The following ZBTB7C variants were observed in gnomAD, a reference collection of about 807,000 sequenced individuals.
ZBTB7C encodes the protein zinc finger and BTB domain-containing protein 7C.
In ZBTB7C, 8 loss-of-function variants were observed where a neutral mutation model predicts 25.7. That is an observed-to-expected ratio of 0.31 (90% CI 0.18 to 0.56). The LOEUF (loss-of-function observed/expected upper bound fraction) is 0.56, where lower values mean the gene tolerates loss of function less well. ZBTB7C is among the 20% of genes least tolerant of loss of function. ZBTB7C has a pLI of 0.91. For missense variants in ZBTB7C, 824 were observed against 855.2 expected (o/e 0.96, Z 0.46); for synonymous variants, 394 against 369.0 (o/e 1.07, Z -0.78).
At chr18:48,215,424 A>G (rs989858361) in intron 2 of ZBTB7C, among the ~76,000 whole-genome samples, 8 of 152,218 alleles carry the variant, frequency 5.3e-5, no homozygotes, top group African/African-American at 1.9e-4. Context: ...TGTTTTAGCG[A>G]GTCATAAGAC....
At chr18:48,275,157 T>G (rs989447064) in intron 2 of ZBTB7C, among the ~76,000 whole-genome samples, 1 of 152,220 alleles carries the variant, frequency 6.6e-6, no homozygotes, top group Non-Finnish European at 1.5e-5. Flanking sequence ...GATGAATTAC[T>G]TGATACCAAA....
At chr18:48,353,616 T>G (rs1433335951) in intron 1 of ZBTB7C, among the ~76,000 whole-genome samples, 1 of 152,188 alleles carries the variant, frequency 6.6e-6, no homozygotes, top group African/African-American at 2.4e-5. Context: ...TTAAAACCTC[T>G]TAATGACCCT....
intron 3 of ZBTB7C, among the ~76,000 whole-genome samples, chr18:48,173,741 C>G (rs981937062): frequency 6.6e-6 from 1 of 152,258 alleles, no homozygotes; most frequent in Non-Finnish European, 1.5e-5. Flanking sequence ...TGTCCTGGCC[C>G]TGCCCCAGAG....
chr18:48,107,601 G>A (rs2039079949), intron 3 of ZBTB7C, among the ~76,000 whole-genome samples: 1 of 152,134 alleles, frequency 6.6e-6, no homozygotes, highest in South Asian at 2.1e-4. Flanking sequence ...AAGAAGGCTT[G>A]GATGGAGGCC....
chr18:48,174,303 A>C (rs1286674848), intron 3 of ZBTB7C, among the ~76,000 whole-genome samples: 1 of 152,238 alleles, frequency 6.6e-6, no homozygotes. Flanking sequence ...CAATTCACAA[A>C]AGGCAATATT....
chr18:48,218,600 G>C (rs1470137835), intron 2 of ZBTB7C, among the ~76,000 whole-genome samples: 1 of 152,234 alleles, frequency 6.6e-6, no homozygotes, highest in Non-Finnish European at 1.5e-5. Flanking sequence ...ATCTGTGGTG[G>C]TGTTTGTTGA....
intron 1 of ZBTB7C, among the ~76,000 whole-genome samples, chr18:48,396,800 T>C (rs2048037354): frequency 6.6e-6 from 1 of 152,188 alleles, no homozygotes; most frequent in Non-Finnish European, 1.5e-5. Context: ...GAAGAATTCT[T>C]ATGCTGAACC....
At chr18:48,375,183 C>T (rs564132100) in intron 1 of ZBTB7C, among the ~76,000 whole-genome samples, 7 of 152,220 alleles carry the variant, frequency 4.6e-5, no homozygotes, top group African/African-American at 7.2e-5. Context: ...GTCTTTTGTG[C>T]CCTTGGGCTC....
intron 2 of ZBTB7C, among the ~76,000 whole-genome samples, chr18:48,241,280 A>C (rs1044179840): frequency 1.3e-5 from 2 of 152,212 alleles, no homozygotes; most frequent in African/African-American, 2.4e-5. Flanking sequence ...CACTGACAGC[A>C]TTAGACAGGT....
chr18:48,125,671 C>T (rs1332417157), intron 3 of ZBTB7C, among the ~76,000 whole-genome samples: 4 of 152,314 alleles, frequency 2.6e-5, no homozygotes, highest in African/African-American at 9.6e-5. Context: ...TCTGGGTCCA[C>T]CATCCACCAG....
chr18:48,303,036 T>C (rs754078211), intron 2 of ZBTB7C, among the ~76,000 whole-genome samples: 3 of 152,232 alleles, frequency 2.0e-5, no homozygotes, highest in Non-Finnish European at 2.9e-5. Flanking sequence ...CCAAAGCTTC[T>C]GTCTCCCCTC....
At chr18:48,114,269 C>T (rs2039346651) in intron 3 of ZBTB7C, among the ~76,000 whole-genome samples, 1 of 152,180 alleles carries the variant, frequency 6.6e-6, no homozygotes, top group Admixed American at 6.5e-5. Flanking sequence ...TCTGACCCAG[C>T]AATCCCACTC....
At chr18:48,141,150 C>CCG (rs2040335939) in intron 3 of ZBTB7C, among the ~76,000 whole-genome samples, 1 of 144,698 alleles carries the variant, frequency 6.9e-6, no homozygotes, top group Non-Finnish European at 1.5e-5. Flanking sequence ...CGCACCACCC[C>CCG]CCCCACTGTT....
chr18:48,091,236 T>G (rs1271381931), intron 3 of ZBTB7C, among the ~76,000 whole-genome samples: 12 of 127,392 alleles, frequency 9.4e-5, no homozygotes, highest in Admixed American at 3.4e-4. Flanking sequence ...TATGCCCGGA[T>G]AATTTTTTTT....
At chr18:48,132,731 C>T (rs1016955566) in intron 3 of ZBTB7C, among the ~76,000 whole-genome samples, 1 of 152,198 alleles carries the variant, frequency 6.6e-6, no homozygotes, top group African/African-American at 2.4e-5. Context: ...GGAGCTGAGA[C>T]CACTGTCATC....
intron 2 of ZBTB7C, among the ~76,000 whole-genome samples, chr18:48,220,038 A>AGG (rs2042913218): frequency 1.3e-5 from 2 of 152,226 alleles, no homozygotes; most frequent in Non-Finnish European, 2.9e-5. Context: ...GATGTGGCAC[A>AGG]GAGCCCACTA....
intron 1 of ZBTB7C, among the ~76,000 whole-genome samples, chr18:48,347,417 C>T (rs1488105737): frequency 1.3e-5 from 2 of 152,216 alleles, no homozygotes; most frequent in Non-Finnish European, 2.9e-5. Context: ...TTGAGGCTTT[C>T]TTTTCCCTGC....
chr18:48,316,426 T>C lies in ZBTB7C; in HGVS notation c.-79+21748A>G, dbSNP rs541922007. On this transcript the variant is annotated intron_variant, in intron 2 of 4. Transcript: ENST00000590800. ...TGGTAGCAGGAAGGCCGCTGCAGCATGGGGGTGATATCATTTGGATGTTTA... is the reference window on the plus strand; with the variant it reads ...TGGTAGCAGGAAGGCCGCTGCAGCACGGGGGTGATATCATTTGGATGTTTA... Among the ~76,000 whole-genome samples the C allele has an allele frequency of 7.9e-5, 12 of 152,322 alleles. No individual in the cohort carries two copies. In the South Asian group the frequency reaches 1.9e-3, roughly 24 times the overall value.
At chr18:48,241,307 C>T (rs2043516499) in intron 2 of ZBTB7C, among the ~76,000 whole-genome samples, 1 of 152,080 alleles carries the variant, frequency 6.6e-6, no homozygotes, top group Non-Finnish European at 1.5e-5. Context: ...GACAGAAAGT[C>T]AACAAAGAAA....
Sources: allele counts gnomAD v4.1 joint callset (sites outside exome capture counted in the v4.1 genomes callset), GRCh38; gene constraint gnomAD v4.1.1; transcripts MANE v1.5; gene names NCBI Gene and HGNC (gene_info 2026-07-23, HGNC 2026-07-21).